PTPN3: variants seen among roughly 807,000 people sequenced by gnomAD.
The protein encoded by PTPN3 is protein tyrosine phosphatase non-receptor type 3.
Under a neutral mutation model 132.7 loss-of-function variants are expected in PTPN3, and 96 were observed. The ratio of observed to expected loss-of-function variants is 0.72; its 90% CI spans 0.61 to 0.86. The LOEUF (loss-of-function observed/expected upper bound fraction) is 0.86. PTPN3 is among the 40% of genes least tolerant of loss of function. PTPN3 has a pLI of 0.00. For synonymous variants in PTPN3, 398 were observed against 429.0 expected (o/e 0.93, Z 0.89); for missense variants, 1,125 against 1,159.6 (o/e 0.97, Z 0.43).
Position 109,438,181 on chromosome 9 carries a change from T to G in PTPN3, c.520A>C (p.Ser174Arg). Residue 174 changes from serine to arginine, a missense_variant, in exon 8 of 26, where the codon AGT becomes CGT. Coordinates refer to ENST00000374541, the MANE Select transcript of PTPN3 (RefSeq NM_002829.4). Reference protein sequence around the residue: ...SIHHPGYLSDSHFIPDQNEDF... With the variant: ...SIHHPGYLSDRHFIPDQNEDF... ...TCATTTTGATCGGGTATAAAGTGAC[T>G]ATCGGAAAGATAGCCTGGATGATGT... The G allele has an allele frequency of 6.2e-7, 1 of 1,613,618 alleles. No individual in the cohort carries two copies. Among genetic ancestry groups the G allele is most frequent in the Non-Finnish European group, 8.5e-7 (1 of 1,179,480 alleles).
At chr9:109,454,620 T>G in intron 4 of PTPN3, 46 bp from the exon 5 acceptor site, 2 of 1,478,068 alleles carry the variant, frequency 1.4e-6, no homozygotes, top group Non-Finnish European at 1.9e-6. Context: ...TTTGACAAAG[T>G]CAATGTATGT....
At chr9:109,533,927 CCTTGAA>C in the PTPN3 span, 1 of 752,886 alleles carries the variant, frequency 1.3e-6, no homozygotes, top group South Asian at 1.5e-5. Flanking sequence ...ATGTTTACTG[CCTTGAA>C]CTGGAACACC....
rs1190261679 is a variant in PTPN3 at position 109,410,081 on chromosome 9, A to G, written c.1501-5T>C. ...GTAGCTGTCACCATTATCATTCTGG[A>G]AAACGGTTTGAAAGTGGTCATTTGC... is the stretch of plus-strand genomic sequence containing the variant. On this transcript the variant is annotated splice_region_variant and splice_polypyrimidine_tract_variant and intron_variant, in intron 15 of 25. Coordinates refer to ENST00000374541, the MANE Select transcript of PTPN3 (RefSeq NM_002829.4). 1 of 1,614,196 alleles carries G rather than the reference A, an allele frequency of 6.2e-7. No homozygotes were observed. The highest frequency in any genetic ancestry group is 8.5e-7 in the Non-Finnish European group (1 of 1,180,040).
At chr9:109,522,449 G>A in the PTPN3 span, among the ~76,000 whole-genome samples, 5 of 152,134 alleles carry the variant, frequency 3.3e-5, no homozygotes, top group Non-Finnish European at 7.3e-5. Flanking sequence ...CTGGAAGCAC[G>A]GCAAAAGCTG....
intron 2 of PTPN3, among the ~76,000 whole-genome samples, chr9:109,458,987 G>A (rs761781495): frequency 6.6e-6 from 1 of 152,150 alleles, no homozygotes; most frequent in African/African-American, 2.4e-5. Context: ...TTGCCAACGA[G>A]CAGAGGCACC....
At chr9:109,432,662 C>G (rs1216155114) in intron 10 of PTPN3, among the ~76,000 whole-genome samples, 1 of 152,166 alleles carries the variant, frequency 6.6e-6, no homozygotes, top group Non-Finnish European at 1.5e-5. Flanking sequence ...CTTTGGGTCC[C>G]TTTAGAGTTT....
At chr9:109,464,936 G>A (rs1407733385) in intron 1 of PTPN3, among the ~76,000 whole-genome samples, 1 of 152,194 alleles carries the variant, frequency 6.6e-6, no homozygotes, top group Non-Finnish European at 1.5e-5. Context: ...GGGGAAGGGG[G>A]AGATGCATTT....
At chr9:109,507,877 TC>T in the PTPN3 span, among the ~76,000 whole-genome samples, 39 of 152,246 alleles carry the variant, frequency 2.6e-4, no homozygotes, top group African/African-American at 8.7e-4. Context: ...CATTACTATT[TC>T]CCCATTTTTC....
At chr9:109,435,138 A>G (rs193025978) in intron 9 of PTPN3, among the ~76,000 whole-genome samples, 1 of 152,344 alleles carries the variant, frequency 6.6e-6, no homozygotes, top group East Asian at 1.9e-4. Context: ...GTGAACAAGG[A>G]AACAAATGAA....
chr9:109,532,413 A>C, the PTPN3 span, among the ~76,000 whole-genome samples: 4 of 152,258 alleles, frequency 2.6e-5, no homozygotes, highest in East Asian at 7.7e-4. Context: ...TTTTATTACT[A>C]TTATTATTTA....
the PTPN3 span, among the ~76,000 whole-genome samples, chr9:109,513,802 T>C: frequency 1.3e-5 from 2 of 152,190 alleles, no homozygotes; most frequent in Non-Finnish European, 2.9e-5. Flanking sequence ...GCTTACTTGA[T>C]CTTTAGCTAG....
intron 1 of PTPN3, among the ~76,000 whole-genome samples, chr9:109,470,065 T>C (rs183534535): frequency 1.1e-4 from 16 of 152,214 alleles, no homozygotes; most frequent in African/African-American, 3.9e-4. Context: ...CTTTTAGCTA[T>C]TTCTGAGCTC....
At chr9:109,504,681 G>A in the PTPN3 span, among the ~76,000 whole-genome samples, 1 of 152,184 alleles carries the variant, frequency 6.6e-6, no homozygotes. Flanking sequence ...ACTGACAGAG[G>A]ACCATACTGT....
chr9:109,405,136 C>T (rs957814355), intron 18 of PTPN3, among the ~76,000 whole-genome samples: 1 of 152,228 alleles, frequency 6.6e-6, no homozygotes, highest in Non-Finnish European at 1.5e-5. Context: ...CCTAGCATCT[C>T]TTCTGTGCTT....
chr9:109,450,949 T>C (rs1328231130), intron 5 of PTPN3: 1 of 984,778 alleles, frequency 1.0e-6, no homozygotes, highest in Non-Finnish European at 1.2e-6. Context: ...TCAGAGGGAA[T>C]TTCCTTAAAC....
rs766123055 is a variant in PTPN3, at chr9:109,389,266, A to G, written c.2220T>C (p.Ile740=). The G allele has an allele frequency of 3.7e-6, 6 of 1,614,194 alleles. No homozygotes were observed. The South Asian group carries it at 4.4e-5, about 12-fold the overall frequency. The change falls in exon 22 of 26, where the codon ATT becomes ATC. Residue 740 remains isoleucine, a synonymous_variant. Transcript: ENST00000374541. ...GTTCTGTGAGAGTCGTCAACATGAC[A>G]ATGAGTGACAACTTCTGATCCCAGA... ...QVVWDQKLSL[I]VMLTTLTERG...
chr9:109,375,818 G>A lies in PTPN3; in HGVS notation c.*3738C>T, dbSNP rs1423229692. 6.6e-6 allele frequency: 1 copy of A among 152,160 alleles called. No homozygotes were observed. The highest frequency in any genetic ancestry group is 2.4e-5 in the African/African-American group (1 of 41,422). 9.4% of individuals were successfully genotyped at this position (152,160 alleles called of 1,614,324 possible). ...GAAAAAAGATTACTGCTCAGTTAAG[G>A]TCCTTTTCCAAATAACTTCACACAA... On this transcript the variant is annotated 3_prime_UTR_variant, in exon 26 of 26. Transcript: ENST00000374541.
chr9:109,419,795 C>G (rs1265678033), intron 14 of PTPN3, among the ~76,000 whole-genome samples: 2 of 152,078 alleles, frequency 1.3e-5, no homozygotes, highest in East Asian at 1.9e-4. Context: ...AACAAAAGCA[C>G]TCAACCATCT....
chr9:109,423,486 A>G (rs1226886765), intron 12 of PTPN3, among the ~76,000 whole-genome samples: 1 of 152,182 alleles, frequency 6.6e-6, no homozygotes, highest in Non-Finnish European at 1.5e-5. Context: ...CATGCCTATA[A>G]TTCCAGCTAC....
Sources: allele counts gnomAD v4.1 joint callset (sites outside exome capture counted in the v4.1 genomes callset), GRCh38; gene constraint gnomAD v4.1.1; transcripts MANE v1.5; gene names NCBI Gene and HGNC (gene_info 2026-07-23, HGNC 2026-07-21).